The following DNM3 variants were observed in gnomAD, a reference collection of about 807,000 sequenced individuals.
DNM3 encodes the protein dynamin 3, also known as dynamin-3.
In DNM3, 47 loss-of-function variants were observed where a neutral mutation model predicts 101.6. The ratio of observed to expected loss-of-function variants is 0.46; its 90% CI spans 0.37 to 0.59. The LOEUF is 0.59. DNM3 is among the 20% of genes least tolerant of loss of function. The pLI, the probability that DNM3 is intolerant of heterozygous loss-of-function variation, is 0.00. For synonymous variants in DNM3, 385 were observed against 387.9 expected, an observed-to-expected ratio of 0.99 and a Z score of 0.09; for missense variants, 849 against 1,085.7, an observed-to-expected ratio of 0.78 and a Z score of 3.06.
intron 2 of DNM3, among the ~76,000 whole-genome samples, chr1:171,958,745 T>C (rs1048286103): frequency 6.6e-6 from 1 of 152,114 alleles, no homozygotes; most frequent in Non-Finnish European, 1.5e-5. Flanking sequence ...TTGGTGATAG[T>C]GATTTGGGGA....
At chr1:172,228,145 T>C (rs1472764240) in intron 14 of DNM3, among the ~76,000 whole-genome samples, 1 of 152,122 alleles carries the variant, frequency 6.6e-6, no homozygotes, top group Non-Finnish European at 1.5e-5. Context: ...TATTTTGCCA[T>C]GAAGAAGTGT....
At chr1:172,351,163 T>G (rs1284867213) in intron 17 of DNM3, among the ~76,000 whole-genome samples, 1 of 152,172 alleles carries the variant, frequency 6.6e-6, no homozygotes. Flanking sequence ...TTCTCTTGGT[T>G]TCTGAGACTT....
chr1:172,355,744 T>G (rs1253850297), intron 17 of DNM3, among the ~76,000 whole-genome samples: 3 of 152,030 alleles, frequency 2.0e-5, no homozygotes, highest in Admixed American at 6.6e-5. Context: ...CACAGAAAGA[T>G]GGAAAGATAG....
chr1:172,097,986 T>C (rs1446260895), intron 13 of DNM3, among the ~76,000 whole-genome samples: 1 of 151,956 alleles, frequency 6.6e-6, no homozygotes, highest in East Asian at 1.9e-4. Flanking sequence ...CACAAGGTAA[T>C]AGAATATCAC....
chr1:172,118,179 T>A (rs17350586), intron 13 of DNM3, among the ~76,000 whole-genome samples: 1 of 152,034 alleles, frequency 6.6e-6, no homozygotes, highest in Admixed American at 6.6e-5. Context: ...CCACATTAGA[T>A]ACATGCATGC....
At chr1:172,307,825 G>T (rs1176908308) in intron 15 of DNM3, among the ~76,000 whole-genome samples, 1 of 150,872 alleles carries the variant, frequency 6.6e-6, no homozygotes, top group African/African-American at 2.4e-5. Context: ...CTGAACAATG[G>T]AATACTTGGA....
chr1:171,919,310 C>G lies in DNM3; in HGVS notation c.162-2438C>G, dbSNP rs61440146. Among the ~76,000 whole-genome samples the G allele has an allele frequency of 1.1e-3, 168 of 152,266 alleles. 1 individual carries two copies. In the East Asian group the frequency reaches 0.029, roughly 26 times the overall value. On this transcript the variant is annotated intron_variant, in intron 1 of 20. Coordinates refer to ENST00000627582, the MANE Select transcript of DNM3 (RefSeq NM_015569.5). ...TCCTAATGCTGTCCCTCTCCTGGCCCCCCACCCTCTGACAGGCCCTGGTGT... is the reference window on the plus strand; with the variant it reads ...TCCTAATGCTGTCCCTCTCCTGGCCGCCCACCCTCTGACAGGCCCTGGTGT...
intron 17 of DNM3, among the ~76,000 whole-genome samples, chr1:172,350,553 CGT>C (rs1393748931): frequency 2.6e-5 from 4 of 152,024 alleles, no homozygotes; most frequent in African/African-American, 7.2e-5. Flanking sequence ...GAAAACGTAA[CGT>C]AAAACAATTC....
chr1:172,101,722 C>A (rs1036392480), intron 13 of DNM3, among the ~76,000 whole-genome samples: 1 of 152,036 alleles, frequency 6.6e-6, no homozygotes, highest in Non-Finnish European at 1.5e-5. Flanking sequence ...GGATTCAAAT[C>A]TTAATCACCA....
chr1:172,188,628 T>C (rs1000749606), intron 14 of DNM3, among the ~76,000 whole-genome samples: 2 of 152,134 alleles, frequency 1.3e-5, no homozygotes, highest in Non-Finnish European at 2.9e-5. Context: ...TGAAAAAAGC[T>C]ACTCTAAACA....
At chr1:172,347,618 A>G (rs967299254) in intron 17 of DNM3, among the ~76,000 whole-genome samples, 12 of 152,204 alleles carry the variant, frequency 7.9e-5, no homozygotes, top group African/African-American at 2.9e-4. Context: ...ATATGAATAC[A>G]CTGACCAGAA....
intron 13 of DNM3, among the ~76,000 whole-genome samples, chr1:172,097,139 T>C (rs1016914999): frequency 6.6e-6 from 1 of 152,042 alleles, no homozygotes; most frequent in African/African-American, 2.4e-5. Flanking sequence ...CGGTGACTTA[T>C]GCCTGTAATC....
At chr1:171,953,954 T>C (rs971992544) in intron 2 of DNM3, among the ~76,000 whole-genome samples, 2 of 152,204 alleles carry the variant, frequency 1.3e-5, no homozygotes, top group African/African-American at 4.8e-5. Context: ...CTTTTTCATA[T>C]ACTCCAGTTT....
chr1:172,172,153 G>A (rs1399073069), intron 14 of DNM3, among the ~76,000 whole-genome samples: 13 of 151,616 alleles, frequency 8.6e-5, no homozygotes, highest in Non-Finnish European at 1.5e-5. Context: ...CATCTTCTCA[G>A]TAAGTAGTTA....
At chr1:172,073,423 T>C (rs146220826) in intron 11 of DNM3, among the ~76,000 whole-genome samples, 4 of 152,298 alleles carry the variant, frequency 2.6e-5, no homozygotes, top group Non-Finnish European at 5.9e-5. Flanking sequence ...CCCTATATTT[T>C]ATAGAATACA....
intron 4 of DNM3, among the ~76,000 whole-genome samples, chr1:171,991,926 C>T (rs778106463): frequency 2.0e-5 from 3 of 152,200 alleles, no homozygotes; most frequent in Non-Finnish European, 4.4e-5. Context: ...CATTCAGTCC[C>T]TGATTTCTCT....
chr1:172,283,759 C>CA (rs769812358), intron 15 of DNM3, among the ~76,000 whole-genome samples: 624 of 39,962 alleles, frequency 0.016, 10 homozygotes, highest in Middle Eastern at 0.02. Flanking sequence ...GACTCCATCT[C>CA]AAAAAAAAAA....
intron 11 of DNM3, among the ~76,000 whole-genome samples, chr1:172,072,991 T>C (rs1261462460): frequency 1.3e-5 from 2 of 152,224 alleles, no homozygotes; most frequent in East Asian, 3.8e-4. Context: ...TGTATCATGC[T>C]AGGCTCTAAG....
intron 17 of DNM3, among the ~76,000 whole-genome samples, chr1:172,326,352 T>TG (rs1456035885): frequency 6.6e-6 from 1 of 152,162 alleles, no homozygotes; most frequent in African/African-American, 2.4e-5. Context: ...CCTCCTAAGA[T>TG]GGGTTTCCCT....
Sources: gnomAD v4.1 joint callset for allele counts (sites outside exome capture counted in the v4.1 genomes callset) on GRCh38, gnomAD v4.1.1 for gene constraint, MANE v1.5 for transcripts, NCBI Gene and HGNC (gene_info 2026-07-23, HGNC 2026-07-21) for gene names.